The following EDF1 variants were observed in gnomAD, a reference collection of about 807,000 sequenced individuals.
The protein encoded by EDF1 is endothelial differentiation related factor 1, also known as endothelial differentiation-related factor 1.
A neutral mutation model predicts 20.8 loss-of-function variants in EDF1; 5 were observed. That is an observed-to-expected ratio of 0.24 (90% CI 0.13 to 0.51). The LOEUF (loss-of-function observed/expected upper bound fraction) is 0.51, where lower values mean the gene tolerates loss of function less well. Ranked by LOEUF, EDF1 falls within the 20% of genes least tolerant of loss-of-function variation. EDF1 has a pLI of 0.97. For missense variants in EDF1, 137 were observed against 197.8 expected (o/e 0.69, Z 1.84); for synonymous variants, 96 against 78.5 (o/e 1.22, Z -1.18).
Position 136,863,384 on chromosome 9 carries a change from T to A in EDF1, c.195A>T (p.Thr65=). ...TKNTAKLDRE[T]EELHHDRVTL... ...TCACCCTGTCATGGTGCAGCTCCTCTGTCTCCCGGTCCAGCTTGGCCGTGT... is the reference window on the plus strand; with the variant it reads ...TCACCCTGTCATGGTGCAGCTCCTCAGTCTCCCGGTCCAGCTTGGCCGTGT... The change falls in exon 3 of 5, where the codon ACA becomes ACT. Residue 65 remains threonine (T), a synonymous_variant. Transcript: ENST00000224073. This position sits in a 1 kb window ranked among gnomAD's most constrained non-coding sequence, Gnocchi z 4.5. 1 of 1,614,156 alleles carries A rather than the reference T, an allele frequency of 6.2e-7. No individual in the cohort carries two copies.
intron 1 of EDF1, among the ~76,000 whole-genome samples, chr9:136,865,534 G>A (rs1159800537): frequency 1.3e-5 from 2 of 151,474 alleles, no homozygotes; most frequent in African/African-American, 2.4e-5. Context: ...CCCGCCCCAG[G>A]CCCTCAACTG....
At chr9:136,865,694 C>T (rs1040914729) in intron 1 of EDF1, among the ~76,000 whole-genome samples, 6 of 151,802 alleles carry the variant, frequency 4.0e-5, no homozygotes, top group Non-Finnish European at 2.9e-5. Flanking sequence ...CCATCCCTGC[C>T]CCCGTTCCCA....
At chr9:136,865,325 A>G (rs936482890) in intron 1 of EDF1, among the ~76,000 whole-genome samples, 1 of 152,034 alleles carries the variant, frequency 6.6e-6, no homozygotes, top group African/African-American at 2.4e-5. Flanking sequence ...AACAGGGTCC[A>G]CCTGCTCATG....
chr9:136,862,157 G>A lies in EDF1; in HGVS notation c.*127C>T. ...TTTGTTTGTTTGACAGCAGGAATGG[G>A]CTGGGGAGGGTCCCCCGCAAGCTGG... On this transcript the variant is annotated 3_prime_UTR_variant, in exon 5 of 5. Transcript: ENST00000224073. This position sits in a 1 kb window ranked among gnomAD's most constrained non-coding sequence, Gnocchi z 4.1. 8 of 1,217,992 alleles carry A rather than the reference G, an allele frequency of 6.6e-6. No individual in the cohort carries two copies. In the South Asian group the frequency reaches 1.0e-4, roughly 15 times the overall value. The allele number at this position is 1,217,992 out of a possible 1,614,324, so 75.4% of individuals were successfully genotyped here.
intron 1 of EDF1, 148 bp downstream of exon 1, chr9:136,866,033 C>T: frequency 2.7e-6 from 2 of 741,918 alleles, no homozygotes; most frequent in Non-Finnish European, 2.0e-6. Flanking sequence ...GAACCCCGTC[C>T]TGCCCCCGGC....
intron 1 of EDF1, among the ~76,000 whole-genome samples, chr9:136,864,572 A>G (rs1849177134): frequency 6.6e-6 from 1 of 152,082 alleles, no homozygotes; most frequent in Non-Finnish European, 1.5e-5. Flanking sequence ...AACATCACCA[A>G]TAACAGTGAT....
intron 1 of EDF1, among the ~76,000 whole-genome samples, chr9:136,864,290 T>C (rs1430825856): frequency 3.3e-5 from 5 of 151,332 alleles, no homozygotes; most frequent in Non-Finnish European, 7.4e-5. Context: ...TTTTTTTTTT[T>C]AGAGTTGAGG....
At position 136,863,477 on chromosome 9, in the gene EDF1, G is replaced by A. The variant is rs1381722578; in HGVS notation, c.131-29C>T. On this transcript the variant is annotated intron_variant, in intron 2 of 4. Coordinates refer to ENST00000224073, the MANE Select transcript of EDF1 (RefSeq NM_003792.4). The surrounding 1 kb of genome is among the most constrained non-coding windows in gnomAD (Gnocchi z 4.5). ...GAGTCGGTGTGAGGCAAAAGCAGAG[G>A]AGAGGATTTGGAATTAACCTGAAGA... is the stretch of plus-strand genomic sequence containing the variant. 3.7e-6 allele frequency: 6 copies of A among 1,601,562 alleles called. No homozygotes were observed. The highest frequency in any genetic ancestry group is 2.7e-5 in the African/African-American group (2 of 74,672).
Position 136,863,316 on chromosome 9 carries a change from T to A in EDF1, c.263A>T (p.Lys88Met). 6.2e-7 allele frequency: 1 copy of A among 1,613,690 alleles called. No homozygotes were observed. ...GKVIQQGRQS[K>M]GLTQKDLATK... The stretch of plus-strand genomic sequence containing the variant: ...GGCCAGGTCCTTCTGCGTAAGCCCC[T>A]TGCTCTGCCGACCTTGCTGGATCAC... Residue 88 changes from lysine to methionine, a missense_variant, in exon 3 of 5, where the codon AAG (lysine) becomes ATG (methionine). Physicochemically the swap from Lys to Met is moderately conservative, Grantham distance 95. Transcript: ENST00000224073. The surrounding 1 kb of genome is among the most constrained non-coding windows in gnomAD (Gnocchi z 4.5).
At position 136,862,843 on chromosome 9, in the gene EDF1, C is replaced by T. The variant is rs761340729; in HGVS notation, c.385+63G>A. 9 of 1,611,674 alleles carry T rather than the reference C, an allele frequency of 5.6e-6. No individual in the cohort carries two copies. The highest frequency in any genetic ancestry group is 1.1e-5 in the South Asian group (1 of 91,010). ...TCCCCCGAGTCCCACTCTCACCAAC[C>T]CCAGCTGGGAGCGGGTAGCCTCCCT... On this transcript the variant is annotated intron_variant, in intron 4 of 4. Transcript: ENST00000224073. This position sits in a 1 kb window ranked among gnomAD's most constrained non-coding sequence, Gnocchi z 4.1.
Position 136,862,737 on chromosome 9 carries a change from CCCA to C in EDF1, c.385+166_385+168del. ...GGGGTTTCCTGAGGCCTGCAGAGAC[CCCA>C]CCATCCCTCAGTCTGTACTACCTGG... On this transcript the variant is annotated intron_variant, in intron 4 of 4. Transcript: ENST00000224073. This position sits in a 1 kb window ranked among gnomAD's most constrained non-coding sequence, Gnocchi z 4.1. 18 of 1,557,382 alleles carry C rather than the reference CCCA, an allele frequency of 1.2e-5. 1 individual carries two copies. Among genetic ancestry groups the C allele is most frequent in the Non-Finnish European group, 1.6e-5 (18 of 1,157,232 alleles).
chr9:136,866,009 TCGC>T (rs1554775417), intron 1 of EDF1, among the ~76,000 whole-genome samples, 169 bp downstream of exon 1: 2 of 140,192 alleles, frequency 1.4e-5, no homozygotes, highest in Non-Finnish European at 3.1e-5. Context: ...CCCCTGCGAT[TCGC>T]CCCGCCCTTC....
Position 136,862,842 on chromosome 9 carries a change from C to T in EDF1, c.385+64G>A. ...TTCCCCCGAGTCCCACTCTCACCAACCCCAGCTGGGAGCGGGTAGCCTCCC... is the reference window on the plus strand; with the variant it reads ...TTCCCCCGAGTCCCACTCTCACCAATCCCAGCTGGGAGCGGGTAGCCTCCC... On this transcript the variant is annotated intron_variant, in intron 4 of 4. Coordinates refer to ENST00000224073, the MANE Select transcript of EDF1 (RefSeq NM_003792.4). This position sits in a 1 kb window ranked among gnomAD's most constrained non-coding sequence, Gnocchi z 4.1. 2 of 1,611,740 alleles carry T rather than the reference C, an allele frequency of 1.2e-6. No homozygotes were observed. The highest frequency in any genetic ancestry group is 1.7e-6 in the Non-Finnish European group (2 of 1,179,914).
rs2131246618 is a variant in EDF1 at position 136,863,062 on chromosome 9, A to G, written c.292-63T>C. 6.2e-7 allele frequency: 1 copy of G among 1,602,474 alleles called. No homozygotes were observed. The highest frequency in any genetic ancestry group is 8.5e-7 in the Non-Finnish European group (1 of 1,171,904). ...TAGGACTGCTGCAAAACCAGGCGCG[A>G]AGCGTCGCCTGAGAACAGCAGCTTC... On this transcript the variant is annotated intron_variant, in intron 3 of 4. Transcript: ENST00000224073. The surrounding 1 kb of genome is among the most constrained non-coding windows in gnomAD (Gnocchi z 4.5).
chr9:136,864,272 A>ATTT (rs530718830), intron 1 of EDF1, among the ~76,000 whole-genome samples: 3 of 135,008 alleles, frequency 2.2e-5, no homozygotes, highest in African/African-American at 5.4e-5. Context: ...CACACTAGGG[A>ATTT]TTTTTTTTTT....
At position 136,862,565 on chromosome 9, in the gene EDF1, C is replaced by T. The variant is rs1166509628; in HGVS notation, c.386-220G>A. 1.3e-5 allele frequency: 20 copies of T among 1,577,808 alleles called. No individual in the cohort carries two copies. Among genetic ancestry groups the T allele is most frequent in the African/African-American group, 8.1e-5 (6 of 74,350 alleles). The stretch of plus-strand genomic sequence containing the variant: ...CATGAACACCCCTCTCCGGAAGAAC[C>T]GGAGCCGGGGTCCTCTGTGGAACTG... On this transcript the variant is annotated intron_variant, in intron 4 of 4. Coordinates refer to ENST00000224073, the MANE Select transcript of EDF1 (RefSeq NM_003792.4). This position sits in a 1 kb window ranked among gnomAD's most constrained non-coding sequence, Gnocchi z 4.1.
At position 136,863,714 on chromosome 9, in the gene EDF1, G is replaced by C; in HGVS notation, c.130+106C>G. On this transcript the variant is annotated intron_variant, in intron 2 of 4. Coordinates refer to ENST00000224073, the MANE Select transcript of EDF1 (RefSeq NM_003792.4). This position sits in a 1 kb window ranked among gnomAD's most constrained non-coding sequence, Gnocchi z 4.5. ...GCTCCGGCCAGCACCGGTGCAGGCA[G>C]GCACTCAGCTGACAACGTCCCCGGG... 7.1e-7 allele frequency: 1 copy of C among 1,404,722 alleles called. No homozygotes were observed. The highest frequency in any genetic ancestry group is 1.0e-6 in the Non-Finnish European group (1 of 1,002,760). The allele number at this position is 1,404,722 out of a possible 1,614,324, so 87.0% of individuals were successfully genotyped here. A position where few individuals can be genotyped will look rare whatever the true frequency, so the allele number is the denominator to read the frequency against.
intron 1 of EDF1, 147 bp downstream of exon 1, chr9:136,866,034 T>A: frequency 2.5e-6 from 1 of 392,562 alleles, no homozygotes; most frequent in Non-Finnish European, 3.6e-6. Context: ...AACCCCGTCC[T>A]GCCCCCGGCA....
At position 136,862,830 on chromosome 9, in the gene EDF1, C is replaced by A. The variant is rs1302442065; in HGVS notation, c.385+76G>T. The A allele has an allele frequency of 6.2e-7, 1 of 1,611,436 alleles. No individual in the cohort carries two copies. The highest frequency in any genetic ancestry group is 2.2e-5 in the East Asian group (1 of 44,874). On this transcript the variant is annotated intron_variant, in intron 4 of 4. Coordinates refer to ENST00000224073, the MANE Select transcript of EDF1 (RefSeq NM_003792.4). This position sits in a 1 kb window ranked among gnomAD's most constrained non-coding sequence, Gnocchi z 4.1. ...AGGGCCATCTTCTTCCCCCGAGTCC[C>A]ACTCTCACCAACCCCAGCTGGGAGC...
Sources: allele counts gnomAD v4.1 joint callset (sites outside exome capture counted in the v4.1 genomes callset), GRCh38; gene constraint gnomAD v4.1.1; non-coding constraint Gnocchi (gnomAD v3.1); transcripts MANE v1.5; gene names NCBI Gene and HGNC (gene_info 2026-07-23, HGNC 2026-07-21).